Variants in NALCN observed in about 807,000 individuals in gnomAD.
NALCN encodes the protein sodium leak channel, non-selective.
NALCN carries 111 observed loss-of-function variants against 225.3 expected under a neutral mutation model. The ratio of observed to expected loss-of-function variants is 0.49; its 90% CI spans 0.42 to 0.58. The LOEUF is 0.58. Ranked by LOEUF, NALCN falls within the 20% of genes least tolerant of loss-of-function variation. The probability of loss-of-function intolerance (pLI) is 0.00; values close to 1 mark genes in which losing one functional copy is unlikely to be tolerated. For synonymous variants in NALCN, 764 were observed against 769.0 expected, an observed-to-expected ratio of 0.99 and a Z score of 0.11; for missense variants, 1,378 against 2,202.4, an observed-to-expected ratio of 0.63 and a Z score of 7.49.
At chr13:101,324,410 T>C (rs1243109363) in intron 7 of NALCN, among the ~76,000 whole-genome samples, 1 of 152,216 alleles carries the variant, frequency 6.6e-6, no homozygotes, top group Non-Finnish European at 1.5e-5. Context: ...TAAATATATT[T>C]TAAGTACAAT....
chr13:101,409,234 T>C (rs1393348840), intron 1 of NALCN, among the ~76,000 whole-genome samples: 1 of 152,150 alleles, frequency 6.6e-6, no homozygotes, highest in Non-Finnish European at 1.5e-5. Flanking sequence ...TGTCAAGCAG[T>C]ATGAGAGGGA....
intron 15 of NALCN, among the ~76,000 whole-genome samples, chr13:101,150,404 A>C (rs1325978531): frequency 6.6e-6 from 1 of 152,196 alleles, no homozygotes; most frequent in African/African-American, 2.4e-5. Context: ...TCAAAAGGGA[A>C]GATGATGCAG....
At chr13:101,374,421 A>G (rs2046629276) in intron 6 of NALCN, among the ~76,000 whole-genome samples, 1 of 151,832 alleles carries the variant, frequency 6.6e-6, no homozygotes, top group Non-Finnish European at 1.5e-5. Flanking sequence ...GCCTCCTGGC[A>G]TTACAGGTGC....
chr13:101,238,939 G>A (rs1301372209), intron 11 of NALCN, among the ~76,000 whole-genome samples: 2 of 151,898 alleles, frequency 1.3e-5, no homozygotes, highest in Non-Finnish European at 2.9e-5. Context: ...ATGTGAAGAG[G>A]AAATTAGCAT....
chr13:101,118,114 A>G (rs1043421534), intron 18 of NALCN, among the ~76,000 whole-genome samples: 5 of 152,158 alleles, frequency 3.3e-5, no homozygotes, highest in Non-Finnish European at 7.4e-5. Context: ...AGGTTCATCA[A>G]TTGTAACAAA....
At chr13:101,204,438 A>C (rs1355554574) in intron 13 of NALCN, among the ~76,000 whole-genome samples, 3 of 152,170 alleles carry the variant, frequency 2.0e-5, no homozygotes, top group African/African-American at 7.2e-5. Context: ...GAGAGGAGAA[A>C]AAAACTGTTT....
chr13:101,089,453 A>C lies in NALCN; in HGVS notation c.3489+210T>G, dbSNP rs2034104169. 6.6e-6 allele frequency among the ~76,000 whole-genome samples: 1 copy of C among 152,240 alleles called. No homozygotes were observed. On this transcript the variant is annotated intron_variant, in intron 30 of 43. Coordinates refer to ENST00000251127, the MANE Select transcript of NALCN (RefSeq NM_052867.4). The surrounding 1 kb of genome is among the most constrained non-coding windows in gnomAD (Gnocchi z 4.7). ...GGTGAATTAATGACACTGTTACCAA[A>C]AGGGTAAATTTAGCAAGAGAACTGT...
At chr13:101,316,556 CCAG>C (rs2044559946) in intron 7 of NALCN, among the ~76,000 whole-genome samples, 1 of 152,144 alleles carries the variant, frequency 6.6e-6, no homozygotes, top group Admixed American at 6.5e-5. Context: ...TATGTGAGGT[CCAG>C]CAAAGAAAGT....
At chr13:101,194,505 G>C (rs991422509) in intron 13 of NALCN, among the ~76,000 whole-genome samples, 2 of 152,174 alleles carry the variant, frequency 1.3e-5, no homozygotes, top group Admixed American at 1.3e-4. Flanking sequence ...TCAAATGGTA[G>C]TGTGCTTGAG....
chr13:101,167,267 G>C (rs192613369), intron 15 of NALCN, among the ~76,000 whole-genome samples: 1 of 152,108 alleles, frequency 6.6e-6, no homozygotes, highest in Non-Finnish European at 1.5e-5. Context: ...GGAATTTTAC[G>C]AAAGATTGCA....
At chr13:101,105,028 T>C in intron 22 of NALCN, 78 bp from the exon 23 acceptor site, 1 of 1,265,250 alleles carries the variant, frequency 7.9e-7, no homozygotes, top group South Asian at 1.2e-5. Flanking sequence ...TTTGCAAACA[T>C]CTCATCTACC....
intron 15 of NALCN, among the ~76,000 whole-genome samples, chr13:101,155,786 G>C (rs183766488): frequency 6.6e-6 from 1 of 152,092 alleles, no homozygotes; most frequent in South Asian, 2.1e-4. Flanking sequence ...AAAAGACTTG[G>C]AGAGGACACT....
Position 101,229,589 on chromosome 13 carries a change from C to A in NALCN, c.1435-5G>T. ...CAGCCGAACTACTCGGAGAACCTAT[C>A]AAGGGAGAGAGAAACATTTATTTAC... is the stretch of plus-strand genomic sequence containing the variant. On this transcript the variant is annotated splice_region_variant and splice_polypyrimidine_tract_variant and intron_variant, in intron 12 of 43. Transcript: ENST00000251127. 1 of 1,551,444 alleles carries A rather than the reference C, an allele frequency of 6.4e-7. No homozygotes were observed. The highest frequency in any genetic ancestry group is 8.7e-7 in the Non-Finnish European group (1 of 1,150,328).
chr13:101,099,202 G>C (rs1013610807), intron 27 of NALCN, among the ~76,000 whole-genome samples: 3 of 151,934 alleles, frequency 2.0e-5, no homozygotes, highest in Non-Finnish European at 4.4e-5. Flanking sequence ...GAATGCGTCA[G>C]GTCTCTGTCA....
chr13:101,079,641 C>A (rs958408910), intron 34 of NALCN, among the ~76,000 whole-genome samples: 1 of 152,310 alleles, frequency 6.6e-6, no homozygotes, highest in East Asian at 1.9e-4. Flanking sequence ...TGATGACTAT[C>A]TATCTACTTT....
intron 12 of NALCN, among the ~76,000 whole-genome samples, chr13:101,234,835 A>ATCTACTAT (rs369903650): frequency 6.9e-6 from 1 of 144,834 alleles, no homozygotes; most frequent in Admixed American, 7.0e-5. Context: ...CTATCTATCT[A>ATCTACTAT]CTATCTATCT....
chr13:101,191,959 C>A lies in NALCN; in HGVS notation c.1722G>T (p.Val574=). ...LNAVGHMWAP[V]VAIYFILYHL... ...GATAGAGAATGAAATAGATGGCAAC[C>A]ACGGGTGCCCACATATGTCCCACAG... Residue 574 remains valine (V), a synonymous_variant, in exon 14 of 44, where the codon GTG becomes GTT. Coordinates refer to ENST00000251127, the MANE Select transcript of NALCN (RefSeq NM_052867.4). The A allele has an allele frequency of 6.2e-7, 1 of 1,609,214 alleles. No individual in the cohort carries two copies. The highest frequency in any genetic ancestry group is 8.5e-7 in the Non-Finnish European group (1 of 1,177,926).
chr13:101,278,476 T>C (rs1255617577), intron 10 of NALCN, among the ~76,000 whole-genome samples: 1 of 146,432 alleles, frequency 6.8e-6, no homozygotes, highest in East Asian at 2.1e-4. Context: ...TGAGCCAAGA[T>C]TGTGCCACTG....
chr13:101,140,270 C>T (rs543746940), intron 17 of NALCN, among the ~76,000 whole-genome samples: 2 of 152,102 alleles, frequency 1.3e-5, no homozygotes, highest in African/African-American at 2.4e-5. Context: ...CACAGAGGGG[C>T]GGGCCACATT....
Sources: allele counts gnomAD v4.1 joint callset (sites outside exome capture counted in the v4.1 genomes callset), GRCh38; gene constraint gnomAD v4.1.1; non-coding constraint Gnocchi (gnomAD v3.1); transcripts MANE v1.5; gene names NCBI Gene and HGNC (gene_info 2026-07-23, HGNC 2026-07-21).